LAMA2: variants seen among roughly 807,000 people sequenced by gnomAD.
LAMA2 encodes laminin subunit alpha 2.
In LAMA2, 269 loss-of-function variants were observed where a neutral mutation model predicts 364.8. The ratio of observed to expected loss-of-function variants is 0.74; its 90% CI spans 0.67 to 0.82. LAMA2 has a LOEUF of 0.82. Among genes scored for constraint, LAMA2 ranks in the 40% least tolerant of loss-of-function variants. LAMA2 has a pLI of 0.00. For missense variants in LAMA2, 3,807 were observed against 3,873.2 expected (o/e 0.98, Z 0.45); for synonymous variants, 1,379 against 1,370.6 (o/e 1.01, Z -0.14).
rs957382380 is a variant in LAMA2 at position 128,929,607 on chromosome 6, C to T, written c.112+46250C>T. The T allele has an allele frequency of 1.1e-5, 15 of 1,353,926 alleles. No individual in the cohort carries two copies. The African/African-American group carries it at 2.0e-4, about 18-fold the overall frequency. The allele number at this position is 1,353,926 out of a possible 1,614,324, so 83.9% of individuals were successfully genotyped here. A position where few individuals can be genotyped will look rare whatever the true frequency, so the allele number is the denominator to read the frequency against. ...TCTGGAGCCCCAGATGCCGCAAAAG[C>T]GCTTCCACGATGCTGACCTGCTCAA... On this transcript the variant is annotated intron_variant, in intron 1 of 64. Coordinates refer to ENST00000421865, the MANE Select transcript of LAMA2 (RefSeq NM_000426.4).
In LAMA2 at chr6:129,055,927, T is replaced by A. The variant is rs541330027; in HGVS notation, c.284-3857T>A. 2.6e-5 allele frequency among the ~76,000 whole-genome samples: 4 copies of A among 152,334 alleles called. No individual in the cohort carries two copies. The South Asian group carries it at 8.3e-4, about 32-fold the overall frequency. On this transcript the variant is annotated intron_variant, in intron 2 of 64. Coordinates refer to ENST00000421865, the MANE Select transcript of LAMA2 (RefSeq NM_000426.4). ...CCAACAATTCGTCAGTATTTGCAAATTAATTATGATTAAACTTTCATAATA... is the reference window on the plus strand; with the variant it reads ...CCAACAATTCGTCAGTATTTGCAAAATAATTATGATTAAACTTTCATAATA...
At chr6:129,183,985 A>G (rs1781082412) in intron 10 of LAMA2, among the ~76,000 whole-genome samples, 2 of 151,904 alleles carry the variant, frequency 1.3e-5, no homozygotes, top group Admixed American at 1.3e-4. Flanking sequence ...AATCTATGAA[A>G]TGGTGTTATT....
At chr6:129,191,599 C>T (rs558783050) in intron 11 of LAMA2, among the ~76,000 whole-genome samples, 3 of 152,228 alleles carry the variant, frequency 2.0e-5, no homozygotes, top group South Asian at 4.1e-4. Context: ...TCAAGGGTGA[C>T]GTTAGAAAGG....
chr6:128,934,030 C>G (rs371391089), intron 1 of LAMA2, among the ~76,000 whole-genome samples: 7 of 152,076 alleles, frequency 4.6e-5, no homozygotes, highest in African/African-American at 1.2e-4. Flanking sequence ...TGGCAAGGAG[C>G]CTTTTCTTTA....
At chr6:129,073,262 A>T (rs1454859714) in intron 3 of LAMA2, among the ~76,000 whole-genome samples, 3 of 152,138 alleles carry the variant, frequency 2.0e-5, no homozygotes, top group Admixed American at 2.0e-4. Context: ...TCTTGGAAAC[A>T]AGATCATTTT....
At chr6:129,065,497 A>C (rs1221479179) in intron 3 of LAMA2, among the ~76,000 whole-genome samples, 1 of 152,202 alleles carries the variant, frequency 6.6e-6, no homozygotes, top group Non-Finnish European at 1.5e-5. Context: ...ATAATCTTAC[A>C]TATAGAAAAC....
chr6:129,310,149 T>C (rs1186914463), intron 22 of LAMA2, among the ~76,000 whole-genome samples: 1 of 152,024 alleles, frequency 6.6e-6, no homozygotes, highest in Non-Finnish European at 1.5e-5. Flanking sequence ...TCCGCCCGCC[T>C]CGGCCTCCCA....
At chr6:129,218,965 C>T (rs1783609715) in intron 12 of LAMA2, among the ~76,000 whole-genome samples, 1 of 152,036 alleles carries the variant, frequency 6.6e-6, no homozygotes. Context: ...CATGTATCAC[C>T]AAGATTTGCC....
chr6:129,035,295 T>G (rs1053162858), intron 1 of LAMA2, among the ~76,000 whole-genome samples: 3 of 150,000 alleles, frequency 2.0e-5, no homozygotes, highest in African/African-American at 7.5e-5. Context: ...TCTTTTCTTT[T>G]CTTTTCTTTT....
chr6:128,962,768 A>G (rs527830222), intron 1 of LAMA2, among the ~76,000 whole-genome samples: 2 of 152,278 alleles, frequency 1.3e-5, no homozygotes, highest in African/African-American at 4.8e-5. Flanking sequence ...ATTAATTACA[A>G]ATATCTTATG....
chr6:129,316,828 C>A (rs74699009), intron 27 of LAMA2, among the ~76,000 whole-genome samples: 1 of 152,072 alleles, frequency 6.6e-6, no homozygotes, highest in South Asian at 2.1e-4. Context: ...TTCATGATAC[C>A]GGTCTCAGTG....
At chr6:129,171,065 T>A (rs1434859127) in intron 9 of LAMA2, among the ~76,000 whole-genome samples, 2 of 152,122 alleles carry the variant, frequency 1.3e-5, no homozygotes, top group Non-Finnish European at 2.9e-5. Context: ...AGCCTATGTG[T>A]GTCTCTGCAC....
intron 1 of LAMA2, among the ~76,000 whole-genome samples, chr6:128,951,735 A>G (rs1780833706): frequency 1.3e-5 from 2 of 152,222 alleles, no homozygotes; most frequent in Non-Finnish European, 2.9e-5. Flanking sequence ...TTGATATAGT[A>G]TGTAACTCAG....
chr6:129,492,572 A>G (rs2114861271), intron 58 of LAMA2, 89 bp downstream of exon 58: 1 of 1,143,392 alleles, frequency 8.7e-7, no homozygotes, highest in Non-Finnish European at 1.3e-6. Flanking sequence ...GATATCTAGT[A>G]CACTCTGATA....
chr6:128,920,177 T>G (rs1174351916), intron 1 of LAMA2, among the ~76,000 whole-genome samples: 1 of 151,410 alleles, frequency 6.6e-6, no homozygotes, highest in Non-Finnish European at 1.5e-5. Flanking sequence ...TTTTTTTTTT[T>G]GACGGAGTCC....
intron 12 of LAMA2, among the ~76,000 whole-genome samples, chr6:129,220,979 C>A (rs555010938): frequency 6.6e-6 from 1 of 151,906 alleles, no homozygotes; most frequent in African/African-American, 2.4e-5. Context: ...CTTGCCAACG[C>A]GGTGAAACCC....
chr6:128,950,761 CATT>C (rs964374203), intron 1 of LAMA2, among the ~76,000 whole-genome samples: 4 of 151,864 alleles, frequency 2.6e-5, no homozygotes, highest in African/African-American at 7.3e-5. Context: ...TCATATATAA[CATT>C]AATATTTATT....
intron 3 of LAMA2, among the ~76,000 whole-genome samples, chr6:129,071,418 A>T (rs995767054): frequency 6.6e-6 from 1 of 151,756 alleles, no homozygotes; most frequent in Non-Finnish European, 1.5e-5. Context: ...TCCTGCTCTT[A>T]TATGTCTTGT....
At chr6:129,270,569 A>G in intron 16 of LAMA2, 55 bp from the exon 17 acceptor site, 1 of 1,602,474 alleles carries the variant, frequency 6.2e-7, no homozygotes, top group Non-Finnish European at 8.5e-7. Flanking sequence ...ATTTTTGGCA[A>G]CATGTTGATC....
Sources: allele counts gnomAD v4.1 joint callset (sites outside exome capture counted in the v4.1 genomes callset), GRCh38; gene constraint gnomAD v4.1.1; transcripts MANE v1.5; gene names NCBI Gene and HGNC (gene_info 2026-07-23, HGNC 2026-07-21).